The following COL21A1 variants were observed in gnomAD, a reference collection of about 807,000 sequenced individuals.
The protein encoded by COL21A1 is collagen alpha-1(XXI) chain.
A neutral mutation model predicts 137.9 loss-of-function variants in COL21A1; 149 were observed. The observed-to-expected ratio is 1.08, with a 90% CI of 0.95 to 1.24. COL21A1 has a LOEUF of 1.24. COL21A1 is among the 50% of genes most tolerant of loss of function. The probability of loss-of-function intolerance (pLI) is 0.00; values close to 1 mark genes in which losing one functional copy is unlikely to be tolerated. For missense variants in COL21A1, 1,167 were observed against 1,158.4 expected (o/e 1.01, Z -0.11); for synonymous variants, 456 against 391.5 (o/e 1.16, Z -1.95).
At chr6:56,198,774 C>G (rs1171431510) in intron 1 of COL21A1, among the ~76,000 whole-genome samples, 1 of 152,084 alleles carries the variant, frequency 6.6e-6, no homozygotes, top group South Asian at 2.1e-4. Flanking sequence ...TCATTAGACA[C>G]TTTGCCTATA....
intron 2 of COL21A1, among the ~76,000 whole-genome samples, chr6:56,181,573 TCC>T (rs1414825255): frequency 6.6e-6 from 1 of 152,076 alleles, no homozygotes; most frequent in African/African-American, 2.4e-5. Context: ...CCTACCCTTC[TCC>T]CTGTCACAGG....
At chr6:56,362,562 C>T (rs183929905) in intron 1 of COL21A1, among the ~76,000 whole-genome samples, 61 of 152,212 alleles carry the variant, frequency 4.0e-4, no homozygotes, top group East Asian at 2.9e-3. Flanking sequence ...GTTTAAGAAA[C>T]GCTGATTTTG....
At chr6:56,226,322 A>G (rs1289700767) in intron 1 of COL21A1, among the ~76,000 whole-genome samples, 1 of 152,052 alleles carries the variant, frequency 6.6e-6, no homozygotes, top group Non-Finnish European at 1.5e-5. Context: ...AACTTTTTAC[A>G]AAATGTTCCT....
intron 1 of COL21A1, among the ~76,000 whole-genome samples, chr6:56,299,664 A>T (rs1764236451): frequency 6.6e-6 from 1 of 152,020 alleles, no homozygotes; most frequent in Non-Finnish European, 1.5e-5. Context: ...ATATTTTCTG[A>T]TCAGACTTCC....
chr6:56,077,868 T>A, intron 17 of COL21A1: 1 of 373,670 alleles, frequency 2.7e-6, no homozygotes. Context: ...ATTAAAATGA[T>A]GTTTCATTTG....
chr6:56,347,050 T>G (rs892074135), intron 1 of COL21A1, among the ~76,000 whole-genome samples: 10 of 152,280 alleles, frequency 6.6e-5, no homozygotes, highest in South Asian at 2.1e-4. Flanking sequence ...CCACAACTTC[T>G]GCATTGCTTT....
intron 1 of COL21A1, among the ~76,000 whole-genome samples, chr6:56,321,521 T>A (rs561400758): frequency 5.4e-4 from 82 of 152,338 alleles, no homozygotes; most frequent in Non-Finnish European, 9.6e-4. Context: ...TTACTTGCTG[T>A]TTATGTTTAT....
intron 12 of COL21A1, among the ~76,000 whole-genome samples, chr6:56,127,448 T>G (rs1331934122): frequency 1.3e-5 from 2 of 152,150 alleles, no homozygotes; most frequent in Non-Finnish European, 2.9e-5. Context: ...TTAATAAATA[T>G]CTCCTAGACC....
At chr6:56,297,053 A>G (rs1259998190) in intron 1 of COL21A1, among the ~76,000 whole-genome samples, 1 of 152,066 alleles carries the variant, frequency 6.6e-6, no homozygotes, top group Admixed American at 6.6e-5. Context: ...TAGCTTTATC[A>G]TAATAGTCTT....
At chr6:56,217,773 C>T (rs1461031716) in intron 1 of COL21A1, among the ~76,000 whole-genome samples, 1 of 152,028 alleles carries the variant, frequency 6.6e-6, no homozygotes, top group Non-Finnish European at 1.5e-5. Context: ...AAGGCTTCCA[C>T]CCACATGTAG....
chr6:56,119,159 A>T (rs1772218038), intron 16 of COL21A1, among the ~76,000 whole-genome samples: 1 of 152,142 alleles, frequency 6.6e-6, no homozygotes, highest in African/African-American at 2.4e-5. Flanking sequence ...TGCTGATGAT[A>T]TAATCTTTTA....
chr6:56,184,650 AC>A (rs1445126678), intron 1 of COL21A1, among the ~76,000 whole-genome samples: 3 of 152,222 alleles, frequency 2.0e-5, no homozygotes, highest in African/African-American at 7.2e-5. Flanking sequence ...TGAAACAGTC[AC>A]CAAAAAGACA....
chr6:56,075,356 T>C, intron 19 of COL21A1, 123 bp downstream of exon 19: 1 of 690,090 alleles, frequency 1.4e-6, no homozygotes, highest in South Asian at 2.0e-5. Context: ...ATGGAATTCA[T>C]GGACCTCAAA....
chr6:56,239,914 T>C (rs896942127), intron 1 of COL21A1, among the ~76,000 whole-genome samples: 7 of 152,184 alleles, frequency 4.6e-5, no homozygotes, highest in African/African-American at 1.7e-4. Context: ...TCTTGAATCA[T>C]AGCTCCCATA....
At chr6:56,216,699 C>T (rs4126558) in intron 1 of COL21A1, among the ~76,000 whole-genome samples, 96,068 of 151,892 alleles carry the variant, frequency 0.63, 30,678 homozygotes, top group East Asian at 0.86. Context: ...TTTCTCTAAC[C>T]ACCTGTAGAA....
chr6:56,188,537 G>A (rs1276640494), intron 1 of COL21A1, among the ~76,000 whole-genome samples: 1 of 152,226 alleles, frequency 6.6e-6, no homozygotes, highest in African/African-American at 2.4e-5. Context: ...GCACCTGGGG[G>A]AAGGGCAGCT....
At chr6:56,115,753 A>C (rs1771863144) in intron 16 of COL21A1, among the ~76,000 whole-genome samples, 1 of 152,196 alleles carries the variant, frequency 6.6e-6, no homozygotes, top group Admixed American at 6.5e-5. Flanking sequence ...AGGTGTGTTG[A>C]GAAAACTGTA....
At chr6:56,379,650 G>C (rs112397321) in intron 1 of COL21A1, among the ~76,000 whole-genome samples, 25 of 152,204 alleles carry the variant, frequency 1.6e-4, no homozygotes, top group African/African-American at 5.5e-4. Context: ...AAGGGGCAGG[G>C]GTAGGGAAAA....
chr6:56,347,289 C>T (rs1320368218), intron 1 of COL21A1, among the ~76,000 whole-genome samples: 1 of 152,000 alleles, frequency 6.6e-6, no homozygotes, highest in Non-Finnish European at 1.5e-5. Context: ...CCAGGAATCC[C>T]CCAACCTTTC....
Sources: gnomAD v4.1 joint callset for allele counts (sites outside exome capture counted in the v4.1 genomes callset) on GRCh38, gnomAD v4.1.1 for gene constraint, MANE v1.5 for transcripts, NCBI Gene and HGNC (gene_info 2026-07-23, HGNC 2026-07-21) for gene names.